POLK: variants seen among roughly 807,000 people sequenced by gnomAD.
The protein encoded by POLK is DNA polymerase kappa, also known as polymerase (DNA directed) kappa.
In POLK, 76 loss-of-function variants were observed where a neutral mutation model predicts 94.0. The ratio of observed to expected loss-of-function variants is 0.81; its 90% CI spans 0.67 to 0.98. The LOEUF is 0.98. Ranked by LOEUF, POLK falls within the 50% of genes least tolerant of loss-of-function variation. The pLI is 0.00. For synonymous variants in POLK, 349 were observed against 325.4 expected (o/e 1.07, Z -0.78); for missense variants, 954 against 1,010.1 (o/e 0.94, Z 0.75).
At chr5:75,582,095 T>C (rs1459247137) in intron 7 of POLK, 1 of 986,060 alleles carries the variant, frequency 1.0e-6, no homozygotes. Context: ...CAAGATTACA[T>C]TGCAGGAGAG....
chr5:75,537,250 GGCTCT>G (rs1233121273), intron 1 of POLK, among the ~76,000 whole-genome samples: 1 of 152,232 alleles, frequency 6.6e-6, no homozygotes, highest in Non-Finnish European at 1.5e-5. Context: ...ACATCTCAGT[GGCTCT>G]GCCTCAGTCT....
the POLK span, among the ~76,000 whole-genome samples, chr5:75,608,450 C>T: frequency 6.6e-6 from 1 of 152,186 alleles, no homozygotes; most frequent in East Asian, 1.9e-4. Context: ...CCACTTCGGC[C>T]TCTCAAATTG....
chr5:75,583,188 A>G, intron 7 of POLK, 105 bp from the exon 8 acceptor site: 1 of 725,056 alleles, frequency 1.4e-6, no homozygotes, highest in Non-Finnish European at 2.2e-6. Flanking sequence ...ATTATATATC[A>G]TTTGAGATTT....
downstream of POLK, among the ~76,000 whole-genome samples, chr5:75,601,657 G>A (rs1158809049): frequency 6.6e-6 from 1 of 152,166 alleles, no homozygotes; most frequent in Non-Finnish European, 1.5e-5. Flanking sequence ...TTGAACATCA[G>A]ACTCCAAGTT....
chr5:75,521,227 T>A (rs1768569575), intron 1 of POLK, among the ~76,000 whole-genome samples: 1 of 152,188 alleles, frequency 6.6e-6, no homozygotes, highest in South Asian at 2.1e-4. Flanking sequence ...ATACCAGTAA[T>A]TCTTAGATTT....
intron 11 of POLK, among the ~76,000 whole-genome samples, chr5:75,593,239 C>T (rs929630750): frequency 6.6e-6 from 1 of 151,796 alleles, no homozygotes; most frequent in Non-Finnish European, 1.5e-5. Flanking sequence ...TCAATCTATT[C>T]TCCTGCCTCA....
chr5:75,583,480 G>A (rs1772308951), intron 8 of POLK, 63 bp downstream of exon 8: 2 of 923,766 alleles, frequency 2.2e-6, no homozygotes, highest in East Asian at 2.7e-5. Context: ...ATACTGTGTA[G>A]GCCAATAGTT....
chr5:75,531,266 A>G (rs1769165706), intron 1 of POLK, among the ~76,000 whole-genome samples: 1 of 150,304 alleles, frequency 6.7e-6, no homozygotes, highest in Admixed American at 6.7e-5. Flanking sequence ...TGAAAACAAT[A>G]TATATAGTAT....
At chr5:75,593,806 G>C (rs375203145) in intron 11 of POLK, 72 bp from the exon 12 acceptor site, 2 of 849,896 alleles carry the variant, frequency 2.4e-6, no homozygotes, top group African/African-American at 3.5e-5. Flanking sequence ...CTGTGCCAGC[G>C]CACTCCAGCA....
In POLK at chr5:75,524,734, C is replaced by T. The variant is rs149613160; in HGVS notation, c.-14+12820C>T. On this transcript the variant is annotated intron_variant, in intron 1 of 14. Coordinates refer to ENST00000241436, the Ensembl canonical transcript of POLK. ...AGAGTGAGATTCTCATTCTTTGCAG[C>T]TTTGCCTTGAGGGCAGGCACAGTAA... Among the ~76,000 whole-genome samples, 102 of 152,308 alleles carry T rather than the reference C, an allele frequency of 6.7e-4. 1 individual carries two copies. Among genetic ancestry groups the T allele is most frequent in the African/African-American group, 2.4e-3 (99 of 41,568 alleles).
intron 9 of POLK, 38 bp from the exon 10 acceptor site, chr5:75,586,988 G>C: frequency 7.4e-6 from 11 of 1,477,524 alleles, no homozygotes; most frequent in Non-Finnish European, 1.0e-5. Context: ...AAAAAACTCA[G>C]TCTTTGAAAA....
chr5:75,585,518 G>A (rs5744685), intron 9 of POLK, among the ~76,000 whole-genome samples: 11 of 152,116 alleles, frequency 7.2e-5, no homozygotes, highest in Non-Finnish European at 1.3e-4. Context: ...ATGACTGGGG[G>A]GTAAGTGTGA....
intron 10 of POLK, among the ~76,000 whole-genome samples, chr5:75,589,038 A>C (rs1772614470): frequency 6.6e-6 from 1 of 152,190 alleles, no homozygotes; most frequent in Non-Finnish European, 1.5e-5. Flanking sequence ...TATGTATCAA[A>C]ATCACAGATA....
At position 75,583,423 on chromosome 5, in the gene POLK, A is replaced by G. The variant is rs1394523984; in HGVS notation, c.1059+6A>G. 4 of 1,571,042 alleles carry G rather than the reference A, an allele frequency of 2.5e-6. No homozygotes were observed. The highest frequency in any genetic ancestry group is 3.5e-6 in the Non-Finnish European group (4 of 1,145,680). On this transcript the variant is annotated splice_donor_region_variant and intron_variant, in intron 8 of 14. Coordinates refer to ENST00000241436, the Ensembl canonical transcript of POLK. ...AGGATTTACCCATTAGAAAGGTAAG[A>G]TTTTTACATAAAGTTTATTTATATA...
At chr5:75,536,700 G>A (rs541195988) in intron 1 of POLK, among the ~76,000 whole-genome samples, 1 of 152,104 alleles carries the variant, frequency 6.6e-6, no homozygotes, top group African/African-American at 2.4e-5. Context: ...CCCCTGGGCC[G>A]GAAGCTCTAG....
At chr5:75,585,310 TA>T (rs1181939056) in intron 9 of POLK, among the ~76,000 whole-genome samples, 1 of 152,254 alleles carries the variant, frequency 6.6e-6, no homozygotes, top group Non-Finnish European at 1.5e-5. Flanking sequence ...AGCCTTAAAC[TA>T]CATTTCTTTT....
At chr5:75,599,650 G>A (rs1255261766) in exon 15 of POLK, 1 of 152,074 alleles carries the variant, frequency 6.6e-6, no homozygotes, top group African/African-American at 2.4e-5. Context: ...GTACTGAAAG[G>A]TAAATAGTAC....
chr5:75,587,484 A>G (rs1325336527), intron 10 of POLK, among the ~76,000 whole-genome samples: 1 of 152,220 alleles, frequency 6.6e-6, no homozygotes, highest in Non-Finnish European at 1.5e-5. Flanking sequence ...CTTAAAGATG[A>G]TCTAGTTTAG....
intron 3 of POLK, among the ~76,000 whole-genome samples, chr5:75,554,612 G>A (rs573606204): frequency 2.0e-5 from 3 of 151,946 alleles, no homozygotes; most frequent in East Asian, 1.9e-4. Flanking sequence ...GGCATTAAGC[G>A]TAGTACCACT....
Sources: allele counts gnomAD v4.1 joint callset (sites outside exome capture counted in the v4.1 genomes callset), GRCh38; gene constraint gnomAD v4.1.1; transcripts MANE v1.5; gene names NCBI Gene and HGNC (gene_info 2026-07-23, HGNC 2026-07-21).